LAMA2: variants seen among roughly 807,000 people sequenced by gnomAD.
LAMA2 encodes laminin subunit alpha 2.
In LAMA2, 269 loss-of-function variants were observed where a neutral mutation model predicts 364.8. The observed-to-expected ratio is 0.74, with a 90% CI of 0.67 to 0.82. The LOEUF is 0.82. Ranked by LOEUF, LAMA2 falls within the 40% of genes least tolerant of loss-of-function variation. The pLI, the probability that LAMA2 is intolerant of heterozygous loss-of-function variation, is 0.00. For synonymous variants in LAMA2, 1,379 were observed against 1,370.6 expected (o/e 1.01, Z -0.14); for missense variants, 3,807 against 3,873.2 (o/e 0.98, Z 0.45).
At chr6:129,211,739 C>T (rs1783113145) in intron 12 of LAMA2, among the ~76,000 whole-genome samples, 1 of 152,264 alleles carries the variant, frequency 6.6e-6, no homozygotes, top group East Asian at 1.9e-4. Context: ...CACCCTATCC[C>T]CCAGCTCTGG....
chr6:128,934,880 G>A (rs1779716533), intron 1 of LAMA2, among the ~76,000 whole-genome samples: 1 of 152,082 alleles, frequency 6.6e-6, no homozygotes, highest in Non-Finnish European at 1.5e-5. Context: ...AGATCATTTT[G>A]GGTAATGTGG....
intron 8 of LAMA2, among the ~76,000 whole-genome samples, chr6:129,159,478 G>T (rs1218299545): frequency 6.6e-6 from 1 of 152,250 alleles, no homozygotes; most frequent in African/African-American, 2.4e-5. Context: ...ATCTGCCGGG[G>T]AGAGCGGCTT....
chr6:129,099,358 C>A (rs888426340), intron 4 of LAMA2, among the ~76,000 whole-genome samples: 1 of 151,758 alleles, frequency 6.6e-6, no homozygotes, highest in Non-Finnish European at 1.5e-5. Context: ...GAAATAATAA[C>A]CATTACTACT....
At chr6:129,269,763 T>C (rs1583383197) in intron 16 of LAMA2, among the ~76,000 whole-genome samples, 2 of 151,962 alleles carry the variant, frequency 1.3e-5, no homozygotes, top group Non-Finnish European at 2.9e-5. Flanking sequence ...AAAACAAAAA[T>C]CAAATCGGGG....
rs935172784 is a variant in LAMA2 at position 129,391,579 on chromosome 6, G to A, written c.5160G>A (p.Glu1720=). The change falls in exon 36 of 65, where the codon GAG becomes GAA. Residue 1720 remains glutamate (E), a synonymous_variant. Coordinates refer to ENST00000421865, the MANE Select transcript of LAMA2 (RefSeq NM_000426.4). The part of the protein sequence containing the change: ...FERNLEGLQK[E]IDQMIKELRR... ...GAAATTTGGAAGGGCTTCAGAAAGA[G>A]ATTGACCAGATGATTAAAGAACTGA... 1.2e-6 allele frequency: 2 copies of A among 1,613,820 alleles called. No individual in the cohort carries two copies. The highest frequency in any genetic ancestry group is 2.7e-5 in the African/African-American group (2 of 75,042).
chr6:129,293,145 T>C, intron 20 of LAMA2: 1 of 921,876 alleles, frequency 1.1e-6, no homozygotes, highest in Non-Finnish European at 1.3e-6. Flanking sequence ...CCTGGTGGCA[T>C]TTTACCAAAT....
chr6:129,304,885 C>T (rs1055067692), intron 22 of LAMA2, among the ~76,000 whole-genome samples: 5 of 152,074 alleles, frequency 3.3e-5, no homozygotes, highest in East Asian at 1.9e-4. Flanking sequence ...TTTTATGGCC[C>T]GGAATAGTGT....
intron 41 of LAMA2, among the ~76,000 whole-genome samples, chr6:129,428,241 G>A (rs1328876714): frequency 6.6e-6 from 1 of 152,126 alleles, no homozygotes; most frequent in East Asian, 1.9e-4. Context: ...ACCAGCCGGG[G>A]AAACATAGCA....
At chr6:129,018,048 A>G (rs115584041) in intron 1 of LAMA2, among the ~76,000 whole-genome samples, 1 of 151,868 alleles carries the variant, frequency 6.6e-6, no homozygotes, top group African/African-American at 2.4e-5. Context: ...TCTACTTTGC[A>G]TGGAAAAAAC....
intron 1 of LAMA2, among the ~76,000 whole-genome samples, chr6:128,989,302 G>C (rs1783458867): frequency 6.6e-6 from 1 of 152,216 alleles, no homozygotes; most frequent in Non-Finnish European, 1.5e-5. Context: ...GAGGAGAAAG[G>C]GGTGACTGAT....
chr6:129,450,882 C>T (rs182628444), intron 45 of LAMA2, among the ~76,000 whole-genome samples: 21 of 152,260 alleles, frequency 1.4e-4, no homozygotes, highest in South Asian at 8.3e-4. Context: ...GTCAATGGTA[C>T]GTATAGCCTG....
At chr6:128,987,523 G>A (rs1223488936) in intron 1 of LAMA2, among the ~76,000 whole-genome samples, 1 of 152,056 alleles carries the variant, frequency 6.6e-6, no homozygotes, top group East Asian at 1.9e-4. Flanking sequence ...TTCTTCTTTG[G>A]GAGTAATGCC....
At chr6:128,896,146 C>A (rs547286848) in intron 1 of LAMA2, among the ~76,000 whole-genome samples, 277 of 152,042 alleles carry the variant, frequency 1.8e-3, no homozygotes, top group African/African-American at 6.4e-3. Flanking sequence ...ATTAAGTAGA[C>A]AAATTGTGCA....
At chr6:129,490,814 T>C (rs979456474) in intron 56 of LAMA2, 6 of 152,176 alleles carry the variant, frequency 3.9e-5, no homozygotes, top group Non-Finnish European at 8.8e-5. Context: ...TTTCCCCCTA[T>C]TTTCTCTTTG....
intron 1 of LAMA2, among the ~76,000 whole-genome samples, chr6:128,925,690 A>G (rs1238122963): frequency 6.6e-6 from 1 of 152,228 alleles, no homozygotes; most frequent in Admixed American, 6.5e-5. Flanking sequence ...ATACTTTAAA[A>G]TAATTCAAAA....
intron 7 of LAMA2, among the ~76,000 whole-genome samples, chr6:129,151,156 GCCT>G (rs1778769253): frequency 6.6e-6 from 1 of 152,166 alleles, no homozygotes; most frequent in Non-Finnish European, 1.5e-5. Flanking sequence ...GTAGGCTGCA[GCCT>G]ACAGACAGAA....
chr6:129,489,153 G>T (rs1195153708), intron 56 of LAMA2, among the ~76,000 whole-genome samples: 1 of 152,114 alleles, frequency 6.6e-6, no homozygotes, highest in Non-Finnish European at 1.5e-5. Flanking sequence ...GGAGATATTT[G>T]CATTATCCCA....
At chr6:129,173,009 C>A (rs1313017325) in intron 9 of LAMA2, among the ~76,000 whole-genome samples, 1 of 152,250 alleles carries the variant, frequency 6.6e-6, no homozygotes, top group Non-Finnish European at 1.5e-5. Flanking sequence ...CCAAGTGAGG[C>A]AATGCCTCGC....
intron 1 of LAMA2, among the ~76,000 whole-genome samples, chr6:128,985,924 T>C (rs1783202508): frequency 1.3e-5 from 2 of 152,190 alleles, no homozygotes; most frequent in African/African-American, 2.4e-5. Context: ...GAATTTTATG[T>C]AAAGAAAAGC....
Sources: allele counts gnomAD v4.1 joint callset (sites outside exome capture counted in the v4.1 genomes callset), GRCh38; gene constraint gnomAD v4.1.1; transcripts MANE v1.5; gene names NCBI Gene and HGNC (gene_info 2026-07-23, HGNC 2026-07-21).